JAK1: variants seen among roughly 807,000 people sequenced by gnomAD.
JAK1 encodes Janus kinase 1.
In JAK1, 16 loss-of-function variants were observed where a neutral mutation model predicts 136.6. That is an observed-to-expected ratio of 0.12 (90% confidence interval 0.08 to 0.18). The LOEUF (loss-of-function observed/expected upper bound fraction) is 0.18, where lower values mean the gene tolerates loss of function less well. Ranked by LOEUF, JAK1 falls within the 10% of genes least tolerant of loss-of-function variation. The pLI is 1.00. For synonymous variants in JAK1, 492 were observed against 519.5 expected (o/e 0.95, Z 0.72); for missense variants, 859 against 1,450.1 (o/e 0.59, Z 6.62).
intron 2 of JAK1, among the ~76,000 whole-genome samples, chr1:64,993,791 G>A (rs1009587561): frequency 1.3e-5 from 2 of 151,878 alleles, no homozygotes; most frequent in Non-Finnish European, 1.5e-5. Flanking sequence ...GATTACAGGC[G>A]CCCACCATCA....
intron 2 of JAK1, among the ~76,000 whole-genome samples, chr1:65,010,155 T>C (rs565169115): frequency 6.6e-6 from 1 of 152,344 alleles, no homozygotes; most frequent in Non-Finnish European, 1.5e-5. Context: ...AAGAGTCTAA[T>C]TGCCCTCCCC....
rs1216141850 is a variant in JAK1 at position 64,984,301 on chromosome 1, T to C, written c.-78+60179A>G. ...ACTGCACCTTACTTTTCCTCCCCTA[T>C]ATCCCCTAGAGGGCAATATTAGAAC... is the stretch of plus-strand genomic sequence containing the variant. On this transcript the variant is annotated intron_variant, in intron 2 of 25. Transcript: ENST00000671954. This position sits in a 1 kb window ranked among gnomAD's most constrained non-coding sequence, Gnocchi z 4.1. Among the ~76,000 whole-genome samples, 3 of 152,120 alleles carry C rather than the reference T, an allele frequency of 2.0e-5. No homozygotes were observed. The highest frequency in any genetic ancestry group is 4.4e-5 in the Non-Finnish European group (3 of 68,018).
chr1:64,940,006 A>G (rs1645859237), intron 1 of JAK1, among the ~76,000 whole-genome samples: 1 of 152,242 alleles, frequency 6.6e-6, no homozygotes, highest in African/African-American at 2.4e-5. Flanking sequence ...ATATTCACGA[A>G]CATTACATAT....
intron 4 of JAK1, among the ~76,000 whole-genome samples, chr1:64,877,080 G>A (rs1200403225): frequency 6.6e-6 from 1 of 152,098 alleles, no homozygotes; most frequent in Non-Finnish European, 1.5e-5. Context: ...CATCATACGG[G>A]GCAAAGAGGT....
upstream of JAK1, among the ~76,000 whole-genome samples, chr1:64,970,161 G>A (rs575289114): frequency 1.6e-3 from 73 of 46,238 alleles, no homozygotes; most frequent in East Asian, 0.043. Context: ...AAAAACGGCC[G>A]GGCACAGTGG....
intron 2 of JAK1, among the ~76,000 whole-genome samples, chr1:64,884,944 G>A (rs1350838051): frequency 6.6e-6 from 1 of 152,180 alleles, no homozygotes; most frequent in Non-Finnish European, 1.5e-5. Context: ...GGTGCTTGCA[G>A]AATGACCCAA....
intron 17 of JAK1, among the ~76,000 whole-genome samples, chr1:64,843,715 T>C (rs933086667): frequency 2.2e-5 from 3 of 136,888 alleles, no homozygotes; most frequent in African/African-American, 3.2e-5. Flanking sequence ...AGGAACTCCA[T>C]ACGTATTTGT....
intron 2 of JAK1, among the ~76,000 whole-genome samples, chr1:65,009,489 C>T (rs576269087): frequency 6.6e-5 from 10 of 152,086 alleles, no homozygotes; most frequent in South Asian, 2.1e-4. Flanking sequence ...TAAATTACAT[C>T]GGGAAACTTA....
In JAK1 at chr1:64,984,665, C is replaced by T. The variant is rs949133760; in HGVS notation, c.-78+59815G>A. 13 of 565,648 alleles carry T rather than the reference C, an allele frequency of 2.3e-5. No individual in the cohort carries two copies. The highest frequency in any genetic ancestry group is 2.3e-4 in the African/African-American group (12 of 52,382). 35.0% of individuals were successfully genotyped at this position (565,648 alleles called of 1,614,324 possible). A position where few individuals can be genotyped will look rare whatever the true frequency, so the allele number is the denominator to read the frequency against. ...ATACTGTTCATCTCCATGACACAGTCCTTCCAGATCTATTTGCATCGTGTG... is the reference window on the plus strand; with the variant it reads ...ATACTGTTCATCTCCATGACACAGTTCTTCCAGATCTATTTGCATCGTGTG... On this transcript the variant is annotated intron_variant, in intron 2 of 25. Coordinates refer to the JAK1 transcript ENST00000671954. This position sits in a 1 kb window ranked among gnomAD's most constrained non-coding sequence, Gnocchi z 4.1.
rs866578585 is a variant in JAK1 at position 64,914,656 on chromosome 1, G to A, written c.-77-28315C>T. Among the ~76,000 whole-genome samples the A allele has an allele frequency of 1.2e-4, 18 of 152,252 alleles. No homozygotes were observed. In the Middle Eastern group the frequency reaches 0.01, roughly 86 times the overall value. On this transcript the variant is annotated intron_variant, in intron 1 of 24. Coordinates refer to ENST00000342505, the MANE Select transcript of JAK1 (RefSeq NM_002227.4). Reference sequence around the variant, plus strand: ...TCAGCTCACTGCAACCTCTGCCTCTGGGGTTCAAGTGATTCTCCTGCCTCA... The same window carrying A: ...TCAGCTCACTGCAACCTCTGCCTCTAGGGTTCAAGTGATTCTCCTGCCTCA...
At chr1:64,843,629 CA>C (rs2100987362) in intron 17 of JAK1, among the ~76,000 whole-genome samples, 1 of 152,282 alleles carries the variant, frequency 6.6e-6, no homozygotes, top group South Asian at 2.1e-4. Context: ...CTAAGGCCCT[CA>C]AGGGAAGGCA....
intron 1 of JAK1, among the ~76,000 whole-genome samples, chr1:64,895,035 C>T (rs558190583): frequency 6.6e-6 from 1 of 152,118 alleles, no homozygotes; most frequent in African/African-American, 2.4e-5. Context: ...GTCACCACAG[C>T]GCCTCTGGAG....
At chr1:64,968,628 TAAAA>T (rs1646420789), upstream of JAK1, among the ~76,000 whole-genome samples, 1 of 151,584 alleles carries the variant, frequency 6.6e-6, no homozygotes, top group East Asian at 1.9e-4. Flanking sequence ...GTCTCTAAAA[TAAAA>T]ACAAACAAAC....
intron 20 of JAK1, 67 bp downstream of exon 20, chr1:64,839,536 C>T: frequency 7.0e-7 from 1 of 1,434,428 alleles, no homozygotes; most frequent in Non-Finnish European, 9.6e-7. Context: ...GCCTGTTTTG[C>T]ACTGGCCTTT....
chr1:64,937,304 T>G (rs1316950328), intron 1 of JAK1, among the ~76,000 whole-genome samples: 1 of 152,226 alleles, frequency 6.6e-6, no homozygotes, highest in African/African-American at 2.4e-5. Flanking sequence ...ATTCTTCTCC[T>G]TCTAGTAGTA....
At chr1:64,898,291 C>T (rs544693585) in intron 1 of JAK1, among the ~76,000 whole-genome samples, 9 of 152,292 alleles carry the variant, frequency 5.9e-5, no homozygotes, top group Non-Finnish European at 1.3e-4. Context: ...AGCAAGTTCA[C>T]GGGGCTGCCC....
rs182310068 is a variant in JAK1, at chr1:64,909,466, A to G, written c.-77-23125T>C. Among the ~76,000 whole-genome samples the G allele has an allele frequency of 2.4e-4, 36 of 152,278 alleles. No homozygotes were observed. The East Asian group carries it at 3.9e-3, about 16-fold the overall frequency. ...AAAAAGGATAGCTGGGAAAAATGAC[A>G]AAGAAACAGAAAGAGATGGAGGGAG... On this transcript the variant is annotated intron_variant, in intron 1 of 24. Coordinates refer to ENST00000342505, the MANE Select transcript of JAK1 (RefSeq NM_002227.4).
chr1:64,913,185 G>A (rs1293103133), intron 1 of JAK1, among the ~76,000 whole-genome samples: 9 of 152,094 alleles, frequency 5.9e-5, no homozygotes, highest in Admixed American at 1.3e-4. Context: ...CATCACGCCT[G>A]GCTAATTTTT....
intron 2 of JAK1, among the ~76,000 whole-genome samples, chr1:65,026,614 C>A (rs1196285522): frequency 6.6e-6 from 1 of 152,156 alleles, no homozygotes; most frequent in Non-Finnish European, 1.5e-5. Context: ...TTAGGGGCAG[C>A]CATCTGGCTG....
Sources: gnomAD v4.1 joint callset for allele counts (sites outside exome capture counted in the v4.1 genomes callset) on GRCh38, gnomAD v4.1.1 for gene constraint, Gnocchi (gnomAD v3.1) non-coding constraint, MANE v1.5 for transcripts, NCBI Gene and HGNC (gene_info 2026-07-23, HGNC 2026-07-21) for gene names.